PHF3: variants seen among roughly 807,000 people sequenced by gnomAD.
The protein encoded by PHF3 is PHD finger protein 3.
In PHF3, 41 loss-of-function variants were observed where a neutral mutation model predicts 178.4. The ratio of observed to expected loss-of-function variants is 0.23; its 90% CI spans 0.18 to 0.30. The LOEUF (loss-of-function observed/expected upper bound fraction) is 0.30, where lower values mean the gene tolerates loss of function less well. Ranked by LOEUF, PHF3 falls within the 10% of genes least tolerant of loss-of-function variation. The pLI is 1.00. For missense variants in PHF3, 2,346 were observed against 2,398.1 expected (o/e 0.98, Z 0.45); for synonymous variants, 842 against 800.5 (o/e 1.05, Z -0.88).
At position 63,718,633 on chromosome 6, in the gene PHF3, A is replaced by C. The variant is rs1768261472; in HGVS notation, c.*4925A>C. Among the ~76,000 whole-genome samples the C allele has an allele frequency of 6.6e-6, 1 of 152,012 alleles. No individual in the cohort carries two copies. Among genetic ancestry groups the C allele is most frequent in the African/African-American group, 2.4e-5 (1 of 41,432 alleles). On this transcript the variant is annotated 3_prime_UTR_variant, in exon 16 of 16. Coordinates refer to ENST00000262043, the MANE Select transcript of PHF3 (RefSeq NM_001370348.2). ...GTCATTTTATTTGAAATATATGAAG[A>C]AAATCTGGCTATATGTGCATTTGTT...
rs1304457431 is a variant in PHF3, at chr6:63,706,124, A to G, written c.3463A>G (p.Ile1155Val). ...ACATTCAGACAATGAAGCAGAAAGT[A>G]TAGCAGATGCATTATCTTCAACCTC... ...RKHSDNEAES[I>V]ADALSSTSNI... The change falls in exon 12 of 16, where the codon ATA (isoleucine) becomes GTA (valine). Residue 1155 changes from isoleucine to valine, a missense_variant. This residue lies in a region of PHF3 where 205 missense variants were observed against 212.4 expected (regional missense o/e 0.97). Coordinates refer to ENST00000262043, the MANE Select transcript of PHF3 (RefSeq NM_001370348.2). 1.9e-6 allele frequency: 3 copies of G among 1,613,868 alleles called. No individual in the cohort carries two copies. Among genetic ancestry groups the G allele is most frequent in the Middle Eastern group, 1.6e-4 (1 of 6,084 alleles).
intron 11 of PHF3, among the ~76,000 whole-genome samples, 191 bp downstream of exon 11, chr6:63,703,862 C>T (rs1463586557): frequency 6.6e-6 from 1 of 152,140 alleles, no homozygotes; most frequent in Admixed American, 6.5e-5. Flanking sequence ...GTATAGTCTA[C>T]TGTCTAGACC....
rs184445591 is a variant in PHF3 at position 63,654,698 on chromosome 6, A to G, written c.244+7903A>G. Reference sequence around the variant, plus strand: ...CTTTATGAATAAAAGGGAAAGACCTAGGTCCCTTAGGCAGCAGTTAGAGGG... The same window carrying G: ...CTTTATGAATAAAAGGGAAAGACCTGGGTCCCTTAGGCAGCAGTTAGAGGG... On this transcript the variant is annotated intron_variant, in intron 2 of 15. Coordinates refer to ENST00000262043, the MANE Select transcript of PHF3 (RefSeq NM_001370348.2). Among the ~76,000 whole-genome samples the G allele has an allele frequency of 1.3e-3, 202 of 152,264 alleles. 2 individuals carry two copies. The South Asian group carries it at 0.023, about 17-fold the overall frequency.
chr6:63,670,538 G>A (rs559537199), intron 2 of PHF3, among the ~76,000 whole-genome samples: 2 of 152,056 alleles, frequency 1.3e-5, no homozygotes, highest in Admixed American at 1.3e-4. Context: ...CGCCCAACTC[G>A]GCCTCCCAAA....
In PHF3 at chr6:63,713,864, C is replaced by G; in HGVS notation, c.*156C>G. On this transcript the variant is annotated 3_prime_UTR_variant, in exon 16 of 16. Coordinates refer to ENST00000262043, the MANE Select transcript of PHF3 (RefSeq NM_001370348.2). ...AAATTCTGTGTGTTGGTACAGAGTG[C>G]TCTGTACCAGTGCTCATCATCCCTT... 1 of 588,502 alleles carries G rather than the reference C, an allele frequency of 1.7e-6. No individual in the cohort carries two copies. The highest frequency in any genetic ancestry group is 2.9e-6 in the Non-Finnish European group (1 of 342,746). 36.5% of individuals were successfully genotyped at this position (588,502 alleles called of 1,614,324 possible).
At position 63,699,590 on chromosome 6, in the gene PHF3, G is replaced by GT. The variant is rs1406227797; in HGVS notation, c.2983-753dup. 2.2e-4 allele frequency among the ~76,000 whole-genome samples: 34 copies of GT among 152,024 alleles called. 2 individuals are homozygous for GT. Among genetic ancestry groups the GT allele is most frequent in the Admixed American group, 2.1e-3 (32 of 15,252 alleles). ...TTAAATAAAGATTTATTTCCCTCAG[G>GT]TTTTTTTATCTTTTTTTTGGAGACA... is the stretch of plus-strand genomic sequence containing the variant. On this transcript the variant is annotated intron_variant, in intron 8 of 15. Transcript: ENST00000262043.
At chr6:63,658,192 T>A (rs79593378) in intron 2 of PHF3, among the ~76,000 whole-genome samples, 10 of 152,194 alleles carry the variant, frequency 6.6e-5, no homozygotes, top group Non-Finnish European at 1.5e-4. Context: ...TTTTTAGAGA[T>A]TCTAAAAGTT....
intron 1 of PHF3, 47 bp from the exon 2 acceptor site, chr6:63,646,480 C>T: frequency 7.2e-7 from 1 of 1,381,356 alleles, no homozygotes; most frequent in East Asian, 2.5e-5. Flanking sequence ...AGGTGATTTT[C>T]AATTGATAGC....
At chr6:63,702,919 C>T (rs1582108720) in intron 10 of PHF3, among the ~76,000 whole-genome samples, 1 of 152,062 alleles carries the variant, frequency 6.6e-6, no homozygotes, top group East Asian at 1.9e-4. Flanking sequence ...GCTTTGTTGC[C>T]CAGGCTGGAG....
intron 1 of PHF3, among the ~76,000 whole-genome samples, chr6:63,644,628 G>A (rs888875469): frequency 6.6e-6 from 1 of 151,888 alleles, no homozygotes; most frequent in African/African-American, 2.4e-5. Flanking sequence ...ACATTTCAGT[G>A]TAAATAAATG....
At chr6:63,692,972 GTTTC>G (rs1254031871) in intron 5 of PHF3, among the ~76,000 whole-genome samples, 11 of 152,108 alleles carry the variant, frequency 7.2e-5, no homozygotes, top group Non-Finnish European at 1.3e-4. Context: ...TAACAAATCC[GTTTC>G]TTTCAGGCAT....
intron 1 of PHF3, among the ~76,000 whole-genome samples, chr6:63,642,655 A>G (rs1441677334): frequency 6.6e-6 from 1 of 152,210 alleles, no homozygotes; most frequent in African/African-American, 2.4e-5. Flanking sequence ...GCCATTTAAA[A>G]TACACCCTAT....
At chr6:63,640,240 T>G (rs1428645146) in intron 1 of PHF3, among the ~76,000 whole-genome samples, 1 of 152,250 alleles carries the variant, frequency 6.6e-6, no homozygotes, top group Non-Finnish European at 1.5e-5. Context: ...TCATACCACA[T>G]GGCCTAACCA....
At chr6:63,679,460 CCT>C (rs3839637) in intron 2 of PHF3, among the ~76,000 whole-genome samples, 8,923 of 151,336 alleles carry the variant, frequency 0.059, 364 homozygotes, top group East Asian at 0.16. Flanking sequence ...TCATTTTTTT[CCT>C]CTCTCTGTTT....
chr6:63,672,557 C>G (rs1319867745), intron 2 of PHF3, among the ~76,000 whole-genome samples: 2 of 152,120 alleles, frequency 1.3e-5, no homozygotes, highest in Non-Finnish European at 2.9e-5. Flanking sequence ...TATTTAGATA[C>G]TCCTTTAATG....
intron 1 of PHF3, among the ~76,000 whole-genome samples, chr6:63,642,892 C>T (rs1000045758): frequency 1.7e-4 from 26 of 152,024 alleles, no homozygotes; most frequent in African/African-American, 5.8e-4. Flanking sequence ...TACTAGGTAT[C>T]CCAGAATATT....
Position 63,713,852 on chromosome 6 carries a change from T to G in PHF3, c.*144T>G, listed in dbSNP as rs931748846. ...TTGCAGAACAGTAAATTCTGTGTGTTGGTACAGAGTGCTCTGTACCAGTGC... is the reference window on the plus strand; with the variant it reads ...TTGCAGAACAGTAAATTCTGTGTGTGGGTACAGAGTGCTCTGTACCAGTGC... On this transcript the variant is annotated 3_prime_UTR_variant, in exon 16 of 16. Transcript: ENST00000262043. 1.4e-5 allele frequency: 9 copies of G among 647,044 alleles called. No homozygotes were observed. The highest frequency in any genetic ancestry group is 1.1e-4 in the African/African-American group (6 of 54,362). The allele number at this position is 647,044 out of a possible 1,614,324, so 40.1% of individuals were successfully genotyped here. A position where few individuals can be genotyped will look rare whatever the true frequency, so the allele number is the denominator to read the frequency against.
intron 2 of PHF3, among the ~76,000 whole-genome samples, chr6:63,673,939 T>C (rs1766037736): frequency 1.3e-5 from 2 of 152,158 alleles, no homozygotes; most frequent in Admixed American, 1.3e-4. Context: ...GAGAAAAACA[T>C]TCAGTCAAAG....
intron 11 of PHF3, among the ~76,000 whole-genome samples, chr6:63,704,401 C>T (rs1450229711): frequency 2.6e-5 from 4 of 151,730 alleles, no homozygotes; most frequent in African/African-American, 9.7e-5. Flanking sequence ...CTATTCATCC[C>T]TTCCCCCAAC....
Sources: gnomAD v4.1 joint callset for allele counts (sites outside exome capture counted in the v4.1 genomes callset) on GRCh38, gnomAD v4.1.1 for gene constraint, gnomAD v4.1.1 regional missense constraint, MANE v1.5 for transcripts, NCBI Gene and HGNC (gene_info 2026-07-23, HGNC 2026-07-21) for gene names.